Variants in KIF20B observed in about 807,000 individuals in gnomAD.
The protein encoded by KIF20B is kinesin-like protein KIF20B.
In KIF20B, 188 loss-of-function variants were observed where a neutral mutation model predicts 232.5. The observed-to-expected ratio is 0.81, with a 90% CI of 0.72 to 0.91. KIF20B has a LOEUF of 0.91. Ranked by LOEUF, KIF20B falls within the 40% of genes least tolerant of loss-of-function variation. KIF20B has a pLI of 0.00. For synonymous variants in KIF20B, 712 were observed against 683.0 expected (o/e 1.04, Z -0.66); for missense variants, 2,154 against 2,055.9 (o/e 1.05, Z -0.92).
At chr10:89,712,587 A>C (rs946397052) in intron 6 of KIF20B, among the ~76,000 whole-genome samples, 1 of 152,112 alleles carries the variant, frequency 6.6e-6, no homozygotes, top group Non-Finnish European at 1.5e-5. Context: ...CTATTCAGCA[A>C]ATTTTATTAA....
chr10:89,757,069 TACACAC>T (rs1554852937), intron 26 of KIF20B, among the ~76,000 whole-genome samples: 24 of 134,264 alleles, frequency 1.8e-4, no homozygotes, highest in East Asian at 2.9e-4. Context: ...TATATATATA[TACACAC>T]ATGACAATTG....
At chr10:89,740,086 G>A (rs1841762764) in intron 21 of KIF20B, among the ~76,000 whole-genome samples, 1 of 152,124 alleles carries the variant, frequency 6.6e-6, no homozygotes, top group Admixed American at 6.6e-5. Flanking sequence ...TACTGTGTTA[G>A]AGGATATGAA....
chr10:89,707,320 G>T (rs199548462), intron 2 of KIF20B, among the ~76,000 whole-genome samples: 1 of 152,202 alleles, frequency 6.6e-6, no homozygotes, highest in East Asian at 1.9e-4. Flanking sequence ...GAGGCTCCTT[G>T]TAAGTGCTCC....
At chr10:89,773,835 T>C (rs1842515616) in intron 32 of KIF20B, 136 bp from the exon 33 acceptor site, 2 of 429,060 alleles carry the variant, frequency 4.7e-6, no homozygotes, top group Non-Finnish European at 8.5e-6. Context: ...GGCATATCTG[T>C]AGTCTAAGTA....
At chr10:89,702,627 C>T (rs1241650215) in intron 1 of KIF20B, among the ~76,000 whole-genome samples, 1 of 152,118 alleles carries the variant, frequency 6.6e-6, no homozygotes, top group African/African-American at 2.4e-5. Flanking sequence ...TCACCAAAGT[C>T]TCCAATTGTG....
In KIF20B at chr10:89,773,971, AT is replaced by A; in HGVS notation, c.5390del (p.Leu1797Ter). Reference protein sequence around the residue: ...SSPIDISGQVILMDQKMKESD... With the variant: ...SSPIDISGQVXLMDQKMKESD... Reference sequence around the variant, plus strand: ...AAAACTATGAAATTTTTAATTTCAGATTTTAATGGACCAGAAAATGAAGGAG... The same window carrying A: ...AAAACTATGAAATTTTTAATTTCAGATTTAATGGACCAGAAAATGAAGGAG... On this transcript the variant is annotated frameshift_variant and splice_region_variant, in exon 33 of 33. Transcript: ENST00000371728. LOFTEE classifies it high-confidence loss of function. 6.5e-7 allele frequency: 1 copy of A among 1,547,150 alleles called. No individual in the cohort carries two copies. The highest frequency in any genetic ancestry group is 8.7e-7 in the Non-Finnish European group (1 of 1,143,414).
At chr10:89,743,741 C>A in intron 21 of KIF20B, 67 bp from the exon 22 acceptor site, 1 of 1,093,142 alleles carries the variant, frequency 9.1e-7, no homozygotes, top group Non-Finnish European at 1.3e-6. Flanking sequence ...TGCCATGAAT[C>A]TTAAATAACA....
chr10:89,728,772 A>C (rs1393866136), intron 17 of KIF20B, among the ~76,000 whole-genome samples: 1 of 151,560 alleles, frequency 6.6e-6, no homozygotes, highest in Admixed American at 6.6e-5. Flanking sequence ...TGGCCTCCCA[A>C]AGTGCTGGGA....
At chr10:89,745,820 G>A in intron 22 of KIF20B, 79 bp from the exon 23 acceptor site, 1 of 898,698 alleles carries the variant, frequency 1.1e-6, no homozygotes, top group South Asian at 1.4e-5. Context: ...TTAATATTGA[G>A]CCCTGTTTTC....
chr10:89,765,390 A>G (rs1440193596), intron 29 of KIF20B, among the ~76,000 whole-genome samples: 1 of 152,190 alleles, frequency 6.6e-6, no homozygotes, highest in Non-Finnish European at 1.5e-5. Flanking sequence ...AAAAGTGGAT[A>G]CAAACAAATG....
At chr10:89,747,171 C>G (rs1476024646) in intron 23 of KIF20B, among the ~76,000 whole-genome samples, 1 of 152,148 alleles carries the variant, frequency 6.6e-6, no homozygotes, top group African/African-American at 2.4e-5. Context: ...AAATGCAAAG[C>G]AAAACCACAA....
At chr10:89,738,898 AT>A in intron 20 of KIF20B, 59 bp from the exon 21 acceptor site, 4 of 1,498,960 alleles carry the variant, frequency 2.7e-6, no homozygotes, top group Non-Finnish European at 3.6e-6. Flanking sequence ...ACCATTTCAC[AT>A]GTATGGTCCT....
intron 18 of KIF20B, 118 bp downstream of exon 18, chr10:89,729,365 C>T: frequency 2.0e-6 from 2 of 1,009,758 alleles, no homozygotes; most frequent in Non-Finnish European, 2.7e-6. Context: ...TGTTGAATTG[C>T]TTATGCAACA....
At position 89,739,298 on chromosome 10, in the gene KIF20B, T is replaced by C. The variant is rs188487852; in HGVS notation, c.3915+202T>C. ...AGAATGTCCAACATTAAGAGAAATA[T>C]GTACCTTATGAAAGATTAGTCTTTT... On this transcript the variant is annotated intron_variant, in intron 21 of 32. Coordinates refer to ENST00000371728, the MANE Select transcript of KIF20B (RefSeq NM_001284259.2). 3.2e-3 allele frequency among the ~76,000 whole-genome samples: 482 copies of C among 152,286 alleles called. 4 individuals are homozygous for C. Among genetic ancestry groups the C allele is most frequent in the African/African-American group, 0.011 (449 of 41,574 alleles).
At position 89,726,327 on chromosome 10, in the gene KIF20B, T is replaced by C; in HGVS notation, c.2036T>C (p.Ile679Thr). ...AATTATGTAGGATTTGAAGATATTATTGATTCTCTTCAAGATAATGTTGCT... is the reference window on the plus strand; with the variant it reads ...AATTATGTAGGATTTGAAGATATTACTGATTCTCTTCAAGATAATGTTGCT... ...THNYVGFEDI[I>T]DSLQDNVADI... The change falls in exon 16 of 33, where the codon ATT becomes ACT. Residue 679 changes from isoleucine to threonine, a missense_variant. By Grantham distance (89) the Ile-to-Thr change is moderately conservative (BLOSUM62 -1). Transcript: ENST00000371728. 1.3e-6 allele frequency: 2 copies of C among 1,550,102 alleles called. No individual in the cohort carries two copies. The highest frequency in any genetic ancestry group is 1.2e-5 in the South Asian group (1 of 83,478).
At position 89,726,597 on chromosome 10, in the gene KIF20B, A is replaced by G. The variant is rs939318971; in HGVS notation, c.2230+76A>G. 2.2e-5 allele frequency: 27 copies of G among 1,242,708 alleles called. No individual in the cohort carries two copies. In the South Asian group the frequency reaches 4.1e-4, roughly 19 times the overall value. 77.0% of individuals were successfully genotyped at this position (1,242,708 alleles called of 1,614,324 possible). A position where few individuals can be genotyped will look rare whatever the true frequency, so the allele number is the denominator to read the frequency against. ...TACTCTTGGTAAGTATAAGAGATTTATGTAGCTCATTTACCGTAGTGACCA... is the reference window on the plus strand; with the variant it reads ...TACTCTTGGTAAGTATAAGAGATTTGTGTAGCTCATTTACCGTAGTGACCA... On this transcript the variant is annotated intron_variant, in intron 16 of 32. Transcript: ENST00000371728.
intron 23 of KIF20B, among the ~76,000 whole-genome samples, chr10:89,749,482 G>A (rs1841982851): frequency 6.6e-6 from 1 of 152,006 alleles, no homozygotes; most frequent in African/African-American, 2.4e-5. Context: ...TCTAATTACT[G>A]TGTGTTTATA....
chr10:89,715,377 GGTATT>G (rs1425921498), intron 8 of KIF20B, among the ~76,000 whole-genome samples, 195 bp downstream of exon 8: 1 of 152,092 alleles, frequency 6.6e-6, no homozygotes, highest in Non-Finnish European at 1.5e-5. Context: ...GGTCTATTTT[GGTATT>G]GTATTTGCTT....
At position 89,754,544 on chromosome 10, in the gene KIF20B, T is replaced by A; in HGVS notation, c.4374T>A (p.Asp1458Glu). ...AGTCTGAACAGAAATATAATGCTGA[T>A]AGAAAGAAATGGTTAGAAGAAAAAA... Reference protein sequence around the residue: ...LQESEQKYNADRKKWLEEKMM... With the variant: ...LQESEQKYNAERKKWLEEKMM... The change falls in exon 26 of 33, where the codon GAT becomes GAA. Residue 1458 changes from aspartate (D) to glutamate (E), a missense_variant. Asp to Glu is a conservative substitution (Grantham distance 45). Coordinates refer to ENST00000371728, the MANE Select transcript of KIF20B (RefSeq NM_001284259.2). 1.3e-6 allele frequency: 2 copies of A among 1,599,062 alleles called. No individual in the cohort carries two copies. Among genetic ancestry groups the A allele is most frequent in the Non-Finnish European group, 1.7e-6 (2 of 1,171,946 alleles).
Sources: gnomAD v4.1 joint callset for allele counts (sites outside exome capture counted in the v4.1 genomes callset) on GRCh38, gnomAD v4.1.1 for gene constraint, MANE v1.5 for transcripts, NCBI Gene and HGNC (gene_info 2026-07-23, HGNC 2026-07-21) for gene names.